Variants in C17orf78 observed in about 807,000 individuals in gnomAD.
The protein encoded by C17orf78 is chromosome 17 open reading frame 78, also known as uncharacterized protein C17orf78.
C17orf78 carries 27 observed loss-of-function variants against 31.8 expected under a neutral mutation model. The ratio of observed to expected loss-of-function variants is 0.85; its 90% CI spans 0.63 to 1.17. The LOEUF (loss-of-function observed/expected upper bound fraction) is 1.17. C17orf78 is among the 50% of genes most tolerant of loss of function. The pLI is 0.00. For synonymous variants in C17orf78, 106 were observed against 115.1 expected (o/e 0.92, Z 0.51); for missense variants, 258 against 315.2 (o/e 0.82, Z 1.37).
At chr17:37,378,138 C>A (rs2050087924) in intron 2 of C17orf78, among the ~76,000 whole-genome samples, 173 bp downstream of exon 2, 1 of 152,096 alleles carries the variant, frequency 6.6e-6, no homozygotes, top group Non-Finnish European at 1.5e-5. Flanking sequence ...CTGTCATTAC[C>A]TAAGGCATGC....
At chr17:37,387,193 C>T (rs2050576931) in intron 4 of C17orf78, 1 of 152,006 alleles carries the variant, frequency 6.6e-6, no homozygotes, top group African/African-American at 2.4e-5. Context: ...GATCTCAGCT[C>T]ACCACAACCT....
In C17orf78 at chr17:37,392,050, A is replaced by C; in HGVS notation, c.*326A>C. 3.7e-6 allele frequency: 1 copy of C among 272,202 alleles called. No homozygotes were observed. The highest frequency in any genetic ancestry group is 7.0e-6 in the Non-Finnish European group (1 of 143,230). 16.9% of individuals were successfully genotyped at this position (272,202 alleles called of 1,614,324 possible). A position where few individuals can be genotyped will look rare whatever the true frequency, so the allele number is the denominator to read the frequency against. The stretch of plus-strand genomic sequence containing the variant: ...GACAGAAGACTCAAACACAGCCTCT[A>C]AGAAACAAGGCAGCTGTTAGTGTGA... On this transcript the variant is annotated 3_prime_UTR_variant, in exon 7 of 7. Transcript: ENST00000615133.
chr17:37,381,817 TG>T (rs1201222071), intron 3 of C17orf78, among the ~76,000 whole-genome samples: 24 of 150,804 alleles, frequency 1.6e-4, no homozygotes, highest in East Asian at 5.9e-4. Flanking sequence ...TTGGTAGAGA[TG>T]GGGTTTCACC....
At chr17:37,381,962 ATATAT>A (rs1316205064) in intron 3 of C17orf78, among the ~76,000 whole-genome samples, 1 of 152,108 alleles carries the variant, frequency 6.6e-6, no homozygotes, top group East Asian at 1.9e-4. Flanking sequence ...CCCTATTGAT[ATATAT>A]TTTGGTCGTT....
chr17:37,377,659 C>CAATCAATA (rs1428067831), intron 1 of C17orf78, among the ~76,000 whole-genome samples: 15 of 143,634 alleles, frequency 1.0e-4, no homozygotes, highest in African/African-American at 3.9e-4. Flanking sequence ...GACTCCGTCT[C>CAATCAATA]AATAAATAAA....
chr17:37,386,218 G>T, intron 4 of C17orf78, 93 bp downstream of exon 4: 1 of 715,770 alleles, frequency 1.4e-6, no homozygotes. Context: ...GCGTTAGTCT[G>T]GATCTACTGA....
chr17:37,378,689 A>G (rs1435472446), intron 2 of C17orf78, among the ~76,000 whole-genome samples: 2 of 151,970 alleles, frequency 1.3e-5, no homozygotes, highest in African/African-American at 4.8e-5. Context: ...CTCCAGCCTG[A>G]GCAACAAGAG....
chr17:37,381,697 A>G (rs4470189), intron 3 of C17orf78, among the ~76,000 whole-genome samples: 1,493 of 138,752 alleles, frequency 0.011, 11 homozygotes, highest in Non-Finnish European at 0.013. Flanking sequence ...GTGCGATCTC[A>G]GCTCACTGCA....
chr17:37,387,323 T>G (rs1039238593), intron 4 of C17orf78: 3 of 151,466 alleles, frequency 2.0e-5, no homozygotes, highest in African/African-American at 7.3e-5. Context: ...TTTCACTATG[T>G]TTGCCAGGCT....
At chr17:37,386,219 G>A in intron 4 of C17orf78, 94 bp downstream of exon 4, 1 of 710,468 alleles carries the variant, frequency 1.4e-6, no homozygotes, top group South Asian at 2.3e-5. Context: ...CGTTAGTCTG[G>A]ATCTACTGAT....
intron 4 of C17orf78, among the ~76,000 whole-genome samples, chr17:37,386,399 C>G (rs905012767): frequency 6.6e-6 from 1 of 152,010 alleles, no homozygotes; most frequent in Admixed American, 6.6e-5. Context: ...CAAGACCAGC[C>G]TGACCAACAC....
chr17:37,384,133 G>A (rs2050425456), intron 3 of C17orf78, among the ~76,000 whole-genome samples: 1 of 152,170 alleles, frequency 6.6e-6, no homozygotes, highest in Admixed American at 6.5e-5. Context: ...GTGTAGTGGT[G>A]TGCGCCTGTT....
chr17:37,379,810 CTT>C (rs2050165686), intron 3 of C17orf78, among the ~76,000 whole-genome samples: 1 of 147,746 alleles, frequency 6.8e-6, no homozygotes, highest in Admixed American at 6.9e-5. Flanking sequence ...AATAGGAACA[CTT>C]TTACACTGTT....
chr17:37,384,315 A>T lies in C17orf78; in HGVS notation c.392-1694A>T, dbSNP rs1287061769. ...GGAATGTAGAAAAAGGTAAATGGAG[A>T]CTATTTGTTATTATTTAAGAAATTT... On this transcript the variant is annotated intron_variant, in intron 3 of 6. Coordinates refer to ENST00000615133, the MANE Select transcript of C17orf78 (RefSeq NM_173625.5). Among the ~76,000 whole-genome samples the T allele has an allele frequency of 3.3e-5, 5 of 152,254 alleles. No homozygotes were observed. In the East Asian group the frequency reaches 7.7e-4, roughly 24 times the overall value.
At chr17:37,379,965 C>T (rs1440151771) in intron 3 of C17orf78, among the ~76,000 whole-genome samples, 2 of 149,826 alleles carry the variant, frequency 1.3e-5, no homozygotes, top group African/African-American at 4.9e-5. Context: ...GCTATAAAGA[C>T]ACATGCACAC....
intron 4 of C17orf78, among the ~76,000 whole-genome samples, chr17:37,386,440 A>G (rs1460248607): frequency 6.6e-6 from 1 of 152,046 alleles, no homozygotes; most frequent in Non-Finnish European, 1.5e-5. Context: ...AAAAATACAA[A>G]AATTAGCCGG....
rs938834160 is a variant in C17orf78 at position 37,385,112 on chromosome 17, G to A, written c.392-897G>A. ...GGACTTTTGCAATGGCCTCCTAACA[G>A]GTTACCCTCCTTCTACCCTTGCCCA... is the stretch of plus-strand genomic sequence containing the variant. On this transcript the variant is annotated intron_variant, in intron 3 of 6. Transcript: ENST00000615133. Among the ~76,000 whole-genome samples the A allele has an allele frequency of 4.1e-4, 63 of 152,050 alleles. 1 individual carries two copies.
At chr17:37,390,334 A>ATATATCTATAT (rs2050822111) in intron 6 of C17orf78, among the ~76,000 whole-genome samples, 1 of 93,444 alleles carries the variant, frequency 1.1e-5, no homozygotes, top group African/African-American at 4.5e-5. Flanking sequence ...ATATATATAT[A>ATATATCTATAT]AAAGGCCAGC....
At position 37,376,024 on chromosome 17, in the gene C17orf78, G is replaced by A. The variant is rs913265179; in HGVS notation, c.-69G>A. On this transcript the variant is annotated 5_prime_UTR_variant, in exon 1 of 7. Coordinates refer to ENST00000615133, the MANE Select transcript of C17orf78 (RefSeq NM_173625.5). Reference sequence around the variant, plus strand: ...GCTGCGTGTGGTGAAAGCAACTAGAGGCAGAGCTATCAAGGGCTGTGACAG... The same window carrying A: ...GCTGCGTGTGGTGAAAGCAACTAGAAGCAGAGCTATCAAGGGCTGTGACAG... 1.1e-4 allele frequency: 153 copies of A among 1,367,794 alleles called. No individual in the cohort carries two copies. Among genetic ancestry groups the A allele is most frequent in the Non-Finnish European group, 1.6e-4 (150 of 958,758 alleles). The allele number at this position is 1,367,794 out of a possible 1,614,324, so 84.7% of individuals were successfully genotyped here.
Sources: gnomAD v4.1 joint callset for allele counts (sites outside exome capture counted in the v4.1 genomes callset) on GRCh38, gnomAD v4.1.1 for gene constraint, MANE v1.5 for transcripts, NCBI Gene and HGNC (gene_info 2026-07-23, HGNC 2026-07-21) for gene names.